CNTNAP3: variants seen among roughly 807,000 people sequenced by gnomAD.
The protein encoded by CNTNAP3 is contactin associated protein family member 3.
A neutral mutation model predicts 92.1 loss-of-function variants in CNTNAP3; 36 were observed. The observed-to-expected ratio is 0.39, with a 90% CI of 0.30 to 0.52. The LOEUF (loss-of-function observed/expected upper bound fraction) is 0.52. Among genes scored for constraint, CNTNAP3 ranks in the 20% least tolerant of loss-of-function variants. CNTNAP3 has a pLI of 0.76. For missense variants in CNTNAP3, 534 were observed against 1,069.6 expected, an observed-to-expected ratio of 0.50 and a Z score of 6.98; for synonymous variants, 232 against 422.3, an observed-to-expected ratio of 0.55 and a Z score of 5.53.
chr9:39,080,475 G>A lies in CNTNAP3; in HGVS notation c.3443-1555C>T, dbSNP rs1463780137. 2.9e-5 allele frequency among the ~76,000 whole-genome samples: 4 copies of A among 136,452 alleles called. No individual in the cohort carries two copies. The East Asian group carries it at 9.7e-4, about 33-fold the overall frequency. The allele number at this position is 136,452 out of a possible 152,430, so 89.5% of individuals were successfully genotyped here. On this transcript the variant is annotated intron_variant, in intron 21 of 23. Transcript: ENST00000297668. ...ACTTCTCCTTGTTGTATTTGAAGTT[G>A]AGCTCAGTCTCTTTCCCCAACTGCA...
intron 15 of CNTNAP3, among the ~76,000 whole-genome samples, chr9:39,106,899 A>G (rs1197922165): frequency 6.6e-6 from 1 of 152,136 alleles, no homozygotes; most frequent in Middle Eastern, 3.2e-3. Context: ...AGGACATTTA[A>G]TAATTCTTGA....
intron 13 of CNTNAP3, among the ~76,000 whole-genome samples, chr9:39,130,629 C>A (rs574361856): frequency 5.9e-5 from 9 of 152,024 alleles, no homozygotes; most frequent in African/African-American, 2.2e-4. Context: ...CTCAGCCTCC[C>A]AAGTAGCTGG....
At chr9:39,126,712 C>T (rs190795473) in intron 13 of CNTNAP3, among the ~76,000 whole-genome samples, 15,843 of 151,536 alleles carry the variant, frequency 0.1, 980 homozygotes, top group African/African-American at 0.18. Context: ...TGCTCAATTT[C>T]TATGTAAACT....
chr9:39,285,898 C>T lies in CNTNAP3; in HGVS notation c.85+2082G>A, dbSNP rs9407187. 3.5e-5 allele frequency among the ~76,000 whole-genome samples: 2 copies of T among 57,106 alleles called. 1 individual carries two copies. Among genetic ancestry groups the T allele is most frequent in the Admixed American group, 3.7e-4 (2 of 5,412 alleles). The allele number at this position is 57,106 out of a possible 152,430, so 37.5% of individuals were successfully genotyped here. On this transcript the variant is annotated intron_variant, in intron 1 of 23. Coordinates refer to ENST00000297668, the MANE Select transcript of CNTNAP3 (RefSeq NM_033655.5). Reference sequence around the variant, plus strand: ...CTTCGTGGGTGGCCAATGTGCTTCTCGAAAACCAGCTGTGAATAACGTGAG... The same window carrying T: ...CTTCGTGGGTGGCCAATGTGCTTCTTGAAAACCAGCTGTGAATAACGTGAG...
rs1480333567 is a variant in CNTNAP3 at position 39,253,857 on chromosome 9, A to G, written c.196+13039T>C. Reference sequence around the variant, plus strand: ...CATTCTGTTTTAGGAAAAATTACAAATCAGTTTAAAACTATTTTGGCAAGC... The same window carrying G: ...CATTCTGTTTTAGGAAAAATTACAAGTCAGTTTAAAACTATTTTGGCAAGC... On this transcript the variant is annotated intron_variant, in intron 2 of 23. Transcript: ENST00000297668. Among the ~76,000 whole-genome samples the G allele has an allele frequency of 7.5e-5, 2 of 26,524 alleles. 1 individual carries two copies. The highest frequency in any genetic ancestry group is 1.5e-4 in the African/African-American group (2 of 13,438). The allele number at this position is 26,524 out of a possible 152,430, so 17.4% of individuals were successfully genotyped here.
At chr9:39,123,614 T>C (rs1208040945) in intron 13 of CNTNAP3, among the ~76,000 whole-genome samples, 1 of 151,978 alleles carries the variant, frequency 6.6e-6, no homozygotes, top group Non-Finnish European at 1.5e-5. Context: ...CATATTCAAA[T>C]TGCAAAAAAT....
At chr9:39,130,623 G>A (rs994470997) in intron 13 of CNTNAP3, among the ~76,000 whole-genome samples, 15 of 151,268 alleles carry the variant, frequency 9.9e-5, no homozygotes, top group African/African-American at 3.4e-4. Flanking sequence ...TCCTGCCTCA[G>A]CCTCCCAAGT....
rs138821374 is a variant in CNTNAP3 at position 39,151,605 on chromosome 9, G to T, written c.1478-1628C>A. 1.2e-3 allele frequency among the ~76,000 whole-genome samples: 171 copies of T among 139,622 alleles called. 5 individuals are homozygous for T. In the East Asian group the frequency reaches 0.028, roughly 23 times the overall value. 91.6% of individuals were successfully genotyped at this position (139,622 alleles called of 152,430 possible). On this transcript the variant is annotated intron_variant, in intron 9 of 23. Transcript: ENST00000297668. Reference sequence around the variant, plus strand: ...AAAATACAAAGCAATTATTCATTTCGGCTTATATAATATGCCATAGACCGT... The same window carrying T: ...AAAATACAAAGCAATTATTCATTTCTGCTTATATAATATGCCATAGACCGT...
chr9:39,129,678 A>G (rs1280993086), intron 13 of CNTNAP3, among the ~76,000 whole-genome samples: 2 of 152,220 alleles, frequency 1.3e-5, no homozygotes, highest in Non-Finnish European at 2.9e-5. Flanking sequence ...ATTCCAGTTA[A>G]GAGTCGATGA....
intron 15 of CNTNAP3, among the ~76,000 whole-genome samples, chr9:39,108,200 AGG>A (rs1826652095): frequency 6.6e-6 from 1 of 151,904 alleles, no homozygotes. Flanking sequence ...CACAGTGGGT[AGG>A]TCTGCATCTC....
intron 14 of CNTNAP3, among the ~76,000 whole-genome samples, chr9:39,112,405 G>A (rs985934520): frequency 4.0e-5 from 6 of 151,642 alleles, no homozygotes; most frequent in East Asian, 3.9e-4. Flanking sequence ...CACTCTTGTC[G>A]CCCAGGTTGG....
At chr9:39,134,786 CAG>C (rs1821389466) in intron 12 of CNTNAP3, among the ~76,000 whole-genome samples, 1 of 152,180 alleles carries the variant, frequency 6.6e-6, no homozygotes, top group Non-Finnish European at 1.5e-5. Context: ...CTCTCACCTT[CAG>C]AGTTTTCCTA....
At chr9:39,107,261 AAG>A (rs1327554430) in intron 15 of CNTNAP3, among the ~76,000 whole-genome samples, 1 of 151,960 alleles carries the variant, frequency 6.6e-6, no homozygotes, top group East Asian at 1.9e-4. Context: ...AAGAAAAAGA[AAG>A]AAAGAAAAGA....
intron 13 of CNTNAP3, among the ~76,000 whole-genome samples, chr9:39,122,748 A>T (rs1258685705): frequency 6.6e-6 from 1 of 152,212 alleles, no homozygotes; most frequent in African/African-American, 2.4e-5. Flanking sequence ...TTATGAGACA[A>T]ATCAAGCAAA....
rs536422472 is a variant in CNTNAP3 at position 39,152,687 on chromosome 9, G to A, written c.1478-2710C>T. 1.2e-4 allele frequency among the ~76,000 whole-genome samples: 18 copies of A among 144,248 alleles called. 2 individuals are homozygous for A. The highest frequency in any genetic ancestry group is 1.7e-4 in the Non-Finnish European group (11 of 66,370). 94.6% of individuals were successfully genotyped at this position (144,248 alleles called of 152,430 possible). A position where few individuals can be genotyped will look rare whatever the true frequency, so the allele number is the denominator to read the frequency against. On this transcript the variant is annotated intron_variant, in intron 9 of 23. Transcript: ENST00000297668. ...CTTTTTTTTTTGAGACCTGAGTCTC[G>A]TGCTGTCGCCTAGGCTGCAGTGCAG...
Position 39,168,296 on chromosome 9 carries a change from C to T in CNTNAP3, c.1334-2220G>A, listed in dbSNP as rs1320285243. Among the ~76,000 whole-genome samples, 20 of 151,064 alleles carry T rather than the reference C, an allele frequency of 1.3e-4. 1 individual carries two copies. Among genetic ancestry groups the T allele is most frequent in the Non-Finnish European group, 2.5e-4 (17 of 67,370 alleles). ...CCTCCCAAACTGCTGGGATTACAGG[C>T]GTGAGCCACCACACCTGGCCCCTTC... On this transcript the variant is annotated intron_variant, in intron 8 of 23. Coordinates refer to ENST00000297668, the MANE Select transcript of CNTNAP3 (RefSeq NM_033655.5).
intron 17 of CNTNAP3, among the ~76,000 whole-genome samples, chr9:39,102,241 C>T (rs1826478165): frequency 6.6e-6 from 1 of 152,306 alleles, no homozygotes; most frequent in South Asian, 2.1e-4. Flanking sequence ...GATTGCACCA[C>T]TGCACTCCAG....
chr9:39,154,913 G>A (rs565753293), intron 9 of CNTNAP3: 6 of 206,420 alleles, frequency 2.9e-5, no homozygotes, highest in South Asian at 1.4e-4. Context: ...CATCGTGGGC[G>A]ACGCCGCAGA....
At position 39,066,737 on chromosome 9, in the gene CNTNAP3, T is replaced by C. The variant is rs1478286694; in HGVS notation, c.*7153A>G. ...CTTGCATTGCTTCCAAAAAGAAGTCTGGTATCATCCTTGTTTTTCTTCTCT... is the reference window on the plus strand; with the variant it reads ...CTTGCATTGCTTCCAAAAAGAAGTCCGGTATCATCCTTGTTTTTCTTCTCT... On this transcript the variant is annotated 3_prime_UTR_variant, in exon 24 of 24. Coordinates refer to ENST00000297668, the MANE Select transcript of CNTNAP3 (RefSeq NM_033655.5). Among the ~76,000 whole-genome samples the C allele has an allele frequency of 6.6e-6, 1 of 152,312 alleles. No individual in the cohort carries two copies. The highest frequency in any genetic ancestry group is 1.9e-4 in the East Asian group (1 of 5,208).
Sources: allele counts gnomAD v4.1 joint callset (sites outside exome capture counted in the v4.1 genomes callset), GRCh38; gene constraint gnomAD v4.1.1; transcripts MANE v1.5; gene names NCBI Gene and HGNC (gene_info 2026-07-23, HGNC 2026-07-21).